Variants in LRRTM4 observed in about 807,000 individuals in gnomAD.
LRRTM4 encodes leucine-rich repeat transmembrane neuronal protein 4.
LRRTM4 carries 25 observed loss-of-function variants against 47.6 expected under a neutral mutation model. That is an observed-to-expected ratio of 0.53 (90% CI 0.38 to 0.73). LRRTM4 has a LOEUF of 0.73. Ranked by LOEUF, LRRTM4 falls within the 30% of genes least tolerant of loss-of-function variation. LRRTM4 has a pLI of 0.00. For synonymous variants in LRRTM4, 311 were observed against 269.5 expected (o/e 1.15, Z -1.51); for missense variants, 638 against 713.4 (o/e 0.89, Z 1.20).
intron 3 of LRRTM4, among the ~76,000 whole-genome samples, chr2:77,046,612 T>C (rs977090456): frequency 4.6e-5 from 7 of 151,980 alleles, no homozygotes; most frequent in African/African-American, 1.7e-4. Context: ...CCCTCAATGT[T>C]GCAGTGCAGA....
rs796820325 is a variant in LRRTM4 at position 77,499,783 on chromosome 2, G to A, written c.1551+18535C>T. On this transcript the variant is annotated intron_variant, in intron 3 of 3. Coordinates refer to ENST00000409884, the MANE Select transcript of LRRTM4 (RefSeq NM_001134745.3). ...TTAATAATCTTTATTTATATATGTT[G>A]CTTTGTGTACCATCTATGTTACTTA... Among the ~76,000 whole-genome samples, 120 of 151,864 alleles carry A rather than the reference G, an allele frequency of 7.9e-4. 1 individual carries two copies. The highest frequency in any genetic ancestry group is 2.7e-3 in the African/African-American group (113 of 41,474).
At chr2:77,026,426 C>A (rs1345136) in intron 3 of LRRTM4, among the ~76,000 whole-genome samples, 1 of 151,794 alleles carries the variant, frequency 6.6e-6, no homozygotes, top group African/African-American at 2.4e-5. Flanking sequence ...TTTTAACCCA[C>A]AGAATGATCA....
At chr2:77,168,311 A>G (rs1000180760) in intron 3 of LRRTM4, among the ~76,000 whole-genome samples, 24 of 151,726 alleles carry the variant, frequency 1.6e-4, no homozygotes, top group African/African-American at 5.6e-4. Context: ...TTACCTGTAT[A>G]TTGGGTAATT....
chr2:77,260,468 A>G (rs1026645057), intron 3 of LRRTM4, among the ~76,000 whole-genome samples: 1 of 151,854 alleles, frequency 6.6e-6, no homozygotes, highest in African/African-American at 2.4e-5. Flanking sequence ...ATACAGTACT[A>G]TACAAGTGGA....
chr2:77,022,673 T>C (rs553805165), intron 3 of LRRTM4, among the ~76,000 whole-genome samples: 1 of 152,244 alleles, frequency 6.6e-6, no homozygotes, highest in Non-Finnish European at 1.5e-5. Context: ...ATATTAAAGG[T>C]CCAAAATGAT....
At chr2:76,880,960 G>T (rs754023831) in intron 3 of LRRTM4, among the ~76,000 whole-genome samples, 14 of 152,218 alleles carry the variant, frequency 9.2e-5, no homozygotes, top group Middle Eastern at 6.8e-3. Flanking sequence ...GGGAGTGGGG[G>T]ATAGGGAGAG....
chr2:76,892,446 T>C (rs1032363658), intron 3 of LRRTM4, among the ~76,000 whole-genome samples: 4 of 151,810 alleles, frequency 2.6e-5, no homozygotes, highest in African/African-American at 9.7e-5. Flanking sequence ...TTTCCATGTA[T>C]TTATAGCTTC....
At chr2:76,891,847 TAA>T (rs1260578141) in intron 3 of LRRTM4, among the ~76,000 whole-genome samples, 2 of 151,548 alleles carry the variant, frequency 1.3e-5, no homozygotes, top group Non-Finnish European at 3.0e-5. Context: ...GCAAAAAAGA[TAA>T]AAGATTCATT....
chr2:76,804,622 G>GT (rs1351924983), intron 3 of LRRTM4, among the ~76,000 whole-genome samples: 1 of 146,230 alleles, frequency 6.8e-6, no homozygotes, highest in Admixed American at 6.9e-5. Flanking sequence ...CATATGCATA[G>GT]TATCTTGTAC....
At chr2:77,380,776 A>G (rs1673020929) in intron 3 of LRRTM4, among the ~76,000 whole-genome samples, 1 of 151,920 alleles carries the variant, frequency 6.6e-6, no homozygotes, top group South Asian at 2.1e-4. Flanking sequence ...AGCCTGGGTG[A>G]CAGAGTGAGA....
At chr2:77,265,863 A>C (rs1676036015) in intron 3 of LRRTM4, among the ~76,000 whole-genome samples, 1 of 152,198 alleles carries the variant, frequency 6.6e-6, no homozygotes, top group Non-Finnish European at 1.5e-5. Flanking sequence ...AAAAAAATGC[A>C]GTCAGATTCT....
intron 3 of LRRTM4, among the ~76,000 whole-genome samples, chr2:76,877,614 A>G (rs1672813455): frequency 6.6e-6 from 1 of 152,190 alleles, no homozygotes; most frequent in African/African-American, 2.4e-5. Context: ...TTATTTCAGG[A>G]ATATATAACA....
chr2:76,954,129 G>GT (rs1338855754), intron 3 of LRRTM4, among the ~76,000 whole-genome samples: 2 of 151,826 alleles, frequency 1.3e-5, no homozygotes, highest in Non-Finnish European at 2.9e-5. Flanking sequence ...AGAGAGGTAG[G>GT]TTTTTTCAAA....
At chr2:77,383,054 G>A (rs192500646) in intron 3 of LRRTM4, among the ~76,000 whole-genome samples, 2 of 152,150 alleles carry the variant, frequency 1.3e-5, no homozygotes, top group East Asian at 1.9e-4. Flanking sequence ...AACATATACA[G>A]AGGATAGGGA....
At position 77,518,942 on chromosome 2, in the gene LRRTM4, A is replaced by G; in HGVS notation, c.927T>C (p.Ser309=). The change falls in exon 3 of 4, where the codon TCT becomes TCC. Residue 309 remains serine (S), a synonymous_variant. Coordinates refer to ENST00000409884, the MANE Select transcript of LRRTM4 (RefSeq NM_001134745.3). ...TCCGACTGCATTCCCACATATTTCCAGACAATGTGATGGATATTAATGATA... is the reference window on the plus strand; with the variant it reads ...TCCGACTGCATTCCCACATATTTCCGGACAATGTGATGGATATTAATGATA... The part of the protein sequence containing the change: ...AWISLISITL[S]GNMWECSRSI... The G allele has an allele frequency of 2.5e-6, 4 of 1,610,948 alleles. No homozygotes were observed. The highest frequency in any genetic ancestry group is 3.4e-6 in the Non-Finnish European group (4 of 1,178,446).
In LRRTM4 at chr2:77,111,520, A is replaced by C. The variant is rs1671249386; in HGVS notation, c.1552-362604T>G. On this transcript the variant is annotated intron_variant, in intron 3 of 3. Coordinates refer to ENST00000409884, the MANE Select transcript of LRRTM4 (RefSeq NM_001134745.3). The stretch of plus-strand genomic sequence containing the variant: ...ATATTAAATAAAAGATTCCAGAAAT[A>C]AACAGTTCATTAGTTTTAAATTGCA... Among the ~76,000 whole-genome samples, 4 of 152,180 alleles carry C rather than the reference A, an allele frequency of 2.6e-5. No individual in the cohort carries two copies. In the South Asian group the frequency reaches 8.3e-4, roughly 32 times the overall value.
intron 3 of LRRTM4, among the ~76,000 whole-genome samples, chr2:77,179,115 A>G (rs1673279410): frequency 6.6e-6 from 1 of 152,220 alleles, no homozygotes; most frequent in Non-Finnish European, 1.5e-5. Context: ...TTATGGAGGT[A>G]GGACATGCAT....
At chr2:76,957,847 T>C (rs1675725360) in intron 3 of LRRTM4, among the ~76,000 whole-genome samples, 1 of 151,708 alleles carries the variant, frequency 6.6e-6, no homozygotes, top group African/African-American at 2.4e-5. Flanking sequence ...GCTTATGATA[T>C]GGTTTGAATA....
chr2:76,910,110 T>C (rs1673996917), intron 3 of LRRTM4, among the ~76,000 whole-genome samples: 1 of 152,036 alleles, frequency 6.6e-6, no homozygotes, highest in Middle Eastern at 3.2e-3. Context: ...TGTCCAACAA[T>C]GATAGACTGG....
Sources: gnomAD v4.1 joint callset for allele counts (sites outside exome capture counted in the v4.1 genomes callset) on GRCh38, gnomAD v4.1.1 for gene constraint, MANE v1.5 for transcripts, NCBI Gene and HGNC (gene_info 2026-07-23, HGNC 2026-07-21) for gene names.